NAALADL2: variants seen among roughly 807,000 people sequenced by gnomAD.
NAALADL2 encodes N-acetylated alpha-linked acidic dipeptidase like 2, also known as inactive N-acetylated-alpha-linked acidic dipeptidase-like protein 2.
In NAALADL2, 76 loss-of-function variants were observed where a neutral mutation model predicts 87.2. The ratio of observed to expected loss-of-function variants is 0.87; its 90% CI spans 0.72 to 1.05. The LOEUF is 1.05. Ranked by LOEUF, NAALADL2 falls within the 50% of genes least tolerant of loss-of-function variation. NAALADL2 has a pLI of 0.00. For synonymous variants in NAALADL2, 354 were observed against 331.0 expected (o/e 1.07, Z -0.75); for missense variants, 1,089 against 945.8 (o/e 1.15, Z -1.99).
chr3:175,234,035 A>G lies in NAALADL2; in HGVS notation c.650A>G (p.Tyr217Cys). The G allele has an allele frequency of 6.2e-7, 1 of 1,613,862 alleles. No individual in the cohort carries two copies. Residue 217 changes from tyrosine to cysteine, a missense_variant, in exon 3 of 14, where the codon TAC becomes TGC. Physicochemically the swap from Tyr to Cys is radical, Grantham distance 194 (BLOSUM62 -2). Coordinates refer to ENST00000454872, the MANE Select transcript of NAALADL2 (RefSeq NM_207015.3). ...CTAGAAGATGTACAGTTTGTAAATT[A>G]CTCTGTGCTGCTTGATCTGCCAGGC... ...LGLEDVQFVNYSVLLDLPGPS... is the reference protein window; with the variant it reads ...LGLEDVQFVNCSVLLDLPGPS...
chr3:174,946,605 T>C (rs1349359195), intron 1 of NAALADL2, among the ~76,000 whole-genome samples: 2 of 152,200 alleles, frequency 1.3e-5, no homozygotes, highest in Non-Finnish European at 2.9e-5. Flanking sequence ...TTTTTATTTA[T>C]ACATAGTTGA....
chr3:174,886,488 C>T (rs534791206), intron 1 of NAALADL2, among the ~76,000 whole-genome samples: 2 of 152,188 alleles, frequency 1.3e-5, no homozygotes, highest in East Asian at 3.9e-4. Context: ...TCCTTCAATC[C>T]AATCAAGTTG....
intron 11 of NAALADL2, among the ~76,000 whole-genome samples, chr3:175,729,623 A>G (rs768140140): frequency 2.4e-4 from 36 of 152,096 alleles, no homozygotes; most frequent in Non-Finnish European, 4.7e-4. Context: ...ATTTCTATAC[A>G]TCACTTCCCT....
At chr3:174,658,299 C>T (rs745918484) in intron 2 of NAALADL2, among the ~76,000 whole-genome samples, 3 of 152,168 alleles carry the variant, frequency 2.0e-5, no homozygotes, top group Admixed American at 6.6e-5. Context: ...CAGTGTTACG[C>T]ATTTTCATCA....
intron 1 of NAALADL2, among the ~76,000 whole-genome samples, chr3:174,541,456 A>G (rs1428428959): frequency 6.6e-6 from 1 of 152,242 alleles, no homozygotes; most frequent in African/African-American, 2.4e-5. Context: ...GTTAAATAAC[A>G]TGAAGGTTAA....
intron 10 of NAALADL2, among the ~76,000 whole-genome samples, chr3:175,585,625 C>T (rs1394000061): frequency 6.6e-6 from 1 of 151,568 alleles, no homozygotes; most frequent in Non-Finnish European, 1.5e-5. Context: ...TCTATGCATC[C>T]AAAAGTTTAC....
At chr3:175,393,222 C>T (rs891916622) in intron 5 of NAALADL2, among the ~76,000 whole-genome samples, 3 of 123,700 alleles carry the variant, frequency 2.4e-5, no homozygotes, top group Non-Finnish European at 3.2e-5. Context: ...TGCAGTGAGC[C>T]GAGATTGCAC....
At chr3:174,992,024 A>G (rs1746818461) in intron 1 of NAALADL2, among the ~76,000 whole-genome samples, 1 of 151,986 alleles carries the variant, frequency 6.6e-6, no homozygotes, top group African/African-American at 2.4e-5. Context: ...CTAAGCAATA[A>G]CTCCATGATT....
At chr3:174,486,900 G>A (rs1284512898) in intron 1 of NAALADL2, among the ~76,000 whole-genome samples, 1 of 151,900 alleles carries the variant, frequency 6.6e-6, no homozygotes, top group Non-Finnish European at 1.5e-5. Flanking sequence ...GAATACCTAG[G>A]TTTATCCATG....
chr3:175,399,094 T>A (rs1055473492), intron 5 of NAALADL2, among the ~76,000 whole-genome samples: 1 of 152,108 alleles, frequency 6.6e-6, no homozygotes, highest in Non-Finnish European at 1.5e-5. Flanking sequence ...ACCTAGGTAC[T>A]TTCTTTTACC....
At chr3:175,080,952 T>C (rs1717681980) in intron 1 of NAALADL2, 1 of 152,212 alleles carries the variant, frequency 6.6e-6, no homozygotes, top group Admixed American at 6.5e-5. Flanking sequence ...CATTCAGGAC[T>C]GGATATTAAG....
At chr3:174,939,196 A>T (rs374198996) in intron 1 of NAALADL2, among the ~76,000 whole-genome samples, 4 of 151,548 alleles carry the variant, frequency 2.6e-5, no homozygotes, top group East Asian at 3.9e-4. Flanking sequence ...ATGGTGTAAG[A>T]TGTCCAGATT....
intron 2 of NAALADL2, among the ~76,000 whole-genome samples, chr3:174,712,945 CCT>C (rs1276429497): frequency 6.6e-6 from 1 of 152,006 alleles, no homozygotes; most frequent in Non-Finnish European, 1.5e-5. Flanking sequence ...TAATGCTATG[CCT>C]CCCCCCTCCC....
At chr3:175,635,415 T>C (rs1728376980) in intron 11 of NAALADL2, among the ~76,000 whole-genome samples, 1 of 152,126 alleles carries the variant, frequency 6.6e-6, no homozygotes, top group South Asian at 2.1e-4. Flanking sequence ...TTTATCATAC[T>C]TTTAAAAATC....
chr3:175,507,443 A>G (rs948858708), intron 9 of NAALADL2, among the ~76,000 whole-genome samples: 2 of 152,086 alleles, frequency 1.3e-5, no homozygotes, highest in Non-Finnish European at 2.9e-5. Context: ...GTTTTTTGAG[A>G]TGCAGTTTCA....
chr3:175,713,714 TACC>T (rs1740846953), intron 11 of NAALADL2, among the ~76,000 whole-genome samples: 1 of 152,096 alleles, frequency 6.6e-6, no homozygotes, highest in South Asian at 2.1e-4. Flanking sequence ...TGTTTTTTCT[TACC>T]ACCCCAAATG....
At chr3:174,474,683 G>A (rs185480255) in intron 1 of NAALADL2, among the ~76,000 whole-genome samples, 9 of 152,078 alleles carry the variant, frequency 5.9e-5, no homozygotes, top group South Asian at 2.1e-4. Context: ...TGTTTAAAAC[G>A]TCTTTCTTCT....
chr3:174,893,599 A>G (rs2109807381), intron 1 of NAALADL2, among the ~76,000 whole-genome samples: 1 of 152,326 alleles, frequency 6.6e-6, no homozygotes, highest in South Asian at 2.1e-4. Flanking sequence ...CTTTGTGCTT[A>G]TTTGATTGAT....
intron 3 of NAALADL2, among the ~76,000 whole-genome samples, chr3:174,759,523 G>A (rs1353438207): frequency 6.6e-6 from 1 of 152,174 alleles, no homozygotes; most frequent in African/African-American, 2.4e-5. Flanking sequence ...TATACAAAAT[G>A]TAGAAGCAGG....
Sources: allele counts gnomAD v4.1 joint callset (sites outside exome capture counted in the v4.1 genomes callset), GRCh38; gene constraint gnomAD v4.1.1; transcripts MANE v1.5; gene names NCBI Gene and HGNC (gene_info 2026-07-23, HGNC 2026-07-21).